Variants in NCOA1 observed in about 807,000 individuals in gnomAD.
The protein encoded by NCOA1 is nuclear receptor coactivator 1, also known as Hin-2 protein.
In NCOA1, 35 loss-of-function variants were observed where a neutral mutation model predicts 150.9. The ratio of observed to expected loss-of-function variants is 0.23; its 90% CI spans 0.18 to 0.31. NCOA1 has a LOEUF of 0.31. Ranked by LOEUF, NCOA1 falls within the 10% of genes least tolerant of loss-of-function variation. The pLI, the probability that NCOA1 is intolerant of heterozygous loss-of-function variation, is 1.00. For missense variants in NCOA1, 1,491 were observed against 1,749.3 expected (o/e 0.85, Z 2.63); for synonymous variants, 590 against 630.0 (o/e 0.94, Z 0.95).
Position 24,711,970 on chromosome 2 carries a change from T to G in NCOA1, c.2599+859T>G, listed in dbSNP as rs149276830. On this transcript the variant is annotated intron_variant, in intron 14 of 22. Transcript: ENST00000348332. ...ATATGTGGGACTTCAGTTATTTCAGTCCAACTGGAACTTTTAACTGTCATG... is the reference window on the plus strand; with the variant it reads ...ATATGTGGGACTTCAGTTATTTCAGGCCAACTGGAACTTTTAACTGTCATG... Among the ~76,000 whole-genome samples, 4 of 152,354 alleles carry G rather than the reference T, an allele frequency of 2.6e-5. No individual in the cohort carries two copies. The East Asian group carries it at 5.8e-4, about 22-fold the overall frequency.
intron 1 of NCOA1, among the ~76,000 whole-genome samples, chr2:24,492,518 C>CTG (rs149342097): frequency 9.9e-5 from 15 of 151,998 alleles, no homozygotes; most frequent in African/African-American, 2.4e-4. Context: ...ACAATACAGC[C>CTG]TGTGTGTGTG....
intron 8 of NCOA1, among the ~76,000 whole-genome samples, chr2:24,686,174 G>C (rs1672393865): frequency 6.6e-6 from 1 of 151,976 alleles, no homozygotes; most frequent in Non-Finnish European, 1.5e-5. Flanking sequence ...GCTAATCTTT[G>C]TATTTTTAGT....
chr2:24,608,708 T>G (rs1244009914), intron 3 of NCOA1, among the ~76,000 whole-genome samples: 4 of 146,872 alleles, frequency 2.7e-5, no homozygotes, highest in Admixed American at 1.3e-4. Flanking sequence ...TGTTGTGTTT[T>G]TTTTTTTTTT....
chr2:24,715,048 A>G lies in NCOA1; in HGVS notation c.2599+3937A>G, dbSNP rs1476780226. ...ATGATATAAGATGAACAAAGATAAG[A>G]AAACAACTAACTTTCTGTATCCAGT... On this transcript the variant is annotated intron_variant, in intron 14 of 22. Coordinates refer to ENST00000348332, the MANE Select transcript of NCOA1 (RefSeq NM_003743.5). 3.4e-4 allele frequency among the ~76,000 whole-genome samples: 51 copies of G among 152,124 alleles called. 1 individual carries two copies. Among genetic ancestry groups the G allele is most frequent in the Non-Finnish European group, 2.4e-4 (16 of 67,992 alleles).
chr2:24,685,015 A>T (rs1017012538), intron 8 of NCOA1, among the ~76,000 whole-genome samples: 2 of 152,150 alleles, frequency 1.3e-5, no homozygotes, highest in Non-Finnish European at 2.9e-5. Flanking sequence ...GTAATTCATT[A>T]TCAACCACTG....
At chr2:24,661,477 T>C (rs1017779130) in intron 5 of NCOA1, among the ~76,000 whole-genome samples, 1 of 152,218 alleles carries the variant, frequency 6.6e-6, no homozygotes, top group African/African-American at 2.4e-5. Flanking sequence ...TTATTTATGA[T>C]GTCTCTTGAC....
At chr2:24,608,713 T>C (rs548326564) in intron 3 of NCOA1, among the ~76,000 whole-genome samples, 1 of 150,784 alleles carries the variant, frequency 6.6e-6, no homozygotes, top group African/African-American at 2.4e-5. Context: ...TGTTTTTTTT[T>C]TTTTTTTTTC....
intron 2 of NCOA1, among the ~76,000 whole-genome samples, chr2:24,583,009 A>G (rs1404113152): frequency 6.6e-6 from 1 of 152,210 alleles, no homozygotes; most frequent in Admixed American, 6.5e-5. Context: ...ATCTGGGCAA[A>G]GATTTCCTGG....
Position 24,716,679 on chromosome 2 carries a change from T to C in NCOA1, c.2599+5568T>C, listed in dbSNP as rs55642783. On this transcript the variant is annotated intron_variant, in intron 14 of 22. Transcript: ENST00000348332. Reference sequence around the variant, plus strand: ...AAGTGCTAATCATGAAAGAAAAAGATTGATACATTAGACTTCGTTAAATGT... The same window carrying C: ...AAGTGCTAATCATGAAAGAAAAAGACTGATACATTAGACTTCGTTAAATGT... Among the ~76,000 whole-genome samples, 1,302 of 152,326 alleles carry C rather than the reference T, an allele frequency of 8.5e-3. 14 individuals are homozygous for C. The highest frequency in any genetic ancestry group is 0.027 in the African/African-American group (1,132 of 41,578).
At chr2:24,548,835 C>T (rs563960976) in intron 1 of NCOA1, among the ~76,000 whole-genome samples, 1 of 152,304 alleles carries the variant, frequency 6.6e-6, no homozygotes, top group Non-Finnish European at 1.5e-5. Flanking sequence ...CAGCTCTGCC[C>T]CTGTGGCTTT....
intron 21 of NCOA1, among the ~76,000 whole-genome samples, chr2:24,762,257 T>C (rs577509006): frequency 6.6e-6 from 1 of 152,000 alleles, no homozygotes; most frequent in East Asian, 1.9e-4. Flanking sequence ...ATTTTGTCAA[T>C]TTTTTTAGCT....
chr2:24,559,060 A>G (rs1428974953), intron 1 of NCOA1, among the ~76,000 whole-genome samples: 1 of 152,242 alleles, frequency 6.6e-6, no homozygotes, highest in African/African-American at 2.4e-5. Context: ...ACTTTGTTAC[A>G]TAAAAGTTGA....
intron 3 of NCOA1, among the ~76,000 whole-genome samples, chr2:24,620,941 A>G (rs1469345853): frequency 2.0e-5 from 3 of 152,334 alleles, no homozygotes; most frequent in African/African-American, 7.2e-5. Flanking sequence ...TAGGGTAAGT[A>G]TCTTTCTGTG....
intron 1 of NCOA1, among the ~76,000 whole-genome samples, chr2:24,523,038 AAAT>A (rs1664484960): frequency 6.6e-6 from 1 of 152,156 alleles, no homozygotes. Context: ...TGTTAATTGA[AAAT>A]AATACGATGT....
At position 24,726,665 on chromosome 2, in the gene NCOA1, AAAT is replaced by A. The variant is rs753099869; in HGVS notation, c.2681_2683del (p.Asn894del). The A allele has an allele frequency of 6.2e-7, 1 of 1,611,132 alleles. No individual in the cohort carries two copies. The highest frequency in any genetic ancestry group is 2.2e-5 in the East Asian group (1 of 44,664). ...GAACAGGCGATCAGATTCCATGGAC[AAAT>A]AATACAGTGACAGCTATAAATCAGA... is the stretch of plus-strand genomic sequence containing the variant. On this transcript the variant is annotated inframe_deletion, in exon 15 of 23. Coordinates refer to ENST00000348332, the MANE Select transcript of NCOA1 (RefSeq NM_003743.5).
chr2:24,614,575 G>A (rs1668791733), intron 3 of NCOA1, among the ~76,000 whole-genome samples: 1 of 151,888 alleles, frequency 6.6e-6, no homozygotes, highest in Admixed American at 6.6e-5. Context: ...AATGTTTTAA[G>A]ATCTCTAGCC....
At chr2:24,741,210 A>G (rs1323456178) in intron 18 of NCOA1, among the ~76,000 whole-genome samples, 1 of 152,140 alleles carries the variant, frequency 6.6e-6, no homozygotes, top group Non-Finnish European at 1.5e-5. Flanking sequence ...TTTGGTAAAT[A>G]TAGAAAAGTA....
chr2:24,705,803 CAA>C (rs1358910881), intron 12 of NCOA1, among the ~76,000 whole-genome samples: 2 of 152,098 alleles, frequency 1.3e-5, no homozygotes, highest in Admixed American at 6.6e-5. Flanking sequence ...GCATTAAAAA[CAA>C]AGACATTTCC....
At position 24,683,070 on chromosome 2, in the gene NCOA1, C is replaced by T; in HGVS notation, c.474C>T (p.Ser158=). The change falls in exon 8 of 23, where the codon AGC becomes AGT. Residue 158 remains serine (S), a synonymous_variant. Transcript: ENST00000348332. The part of the protein sequence containing the change: ...QEELMNTSVY[S]ILHVGDHAEF... ...AATTAATGAATACGAGCGTCTACAG[C>T]ATACTGCACGTGGGGGATCATGCAG... The T allele has an allele frequency of 6.2e-7, 1 of 1,605,908 alleles. No homozygotes were observed. Among genetic ancestry groups the T allele is most frequent in the Non-Finnish European group, 8.5e-7 (1 of 1,177,534 alleles).
Sources: allele counts gnomAD v4.1 joint callset (sites outside exome capture counted in the v4.1 genomes callset), GRCh38; gene constraint gnomAD v4.1.1; transcripts MANE v1.5; gene names NCBI Gene and HGNC (gene_info 2026-07-23, HGNC 2026-07-21).